The following ANKH variants were observed in gnomAD, a reference collection of about 807,000 sequenced individuals.
The protein encoded by ANKH is ANKH inorganic pyrophosphate transport regulator.
In ANKH, 15 loss-of-function variants were observed where a neutral mutation model predicts 49.0. The observed-to-expected ratio is 0.31, with a 90% CI of 0.20 to 0.47. The LOEUF (loss-of-function observed/expected upper bound fraction) is 0.47, where lower values mean the gene tolerates loss of function less well. Ranked by LOEUF, ANKH falls within the 20% of genes least tolerant of loss-of-function variation. The probability of loss-of-function intolerance (pLI) is 1.00; values close to 1 mark genes in which losing one functional copy is unlikely to be tolerated. For missense variants in ANKH, 429 were observed against 652.0 expected, an observed-to-expected ratio of 0.66 and a Z score of 3.72; for synonymous variants, 273 against 260.0, an observed-to-expected ratio of 1.05 and a Z score of -0.48.
At chr5:14,742,360 C>T (rs1738388119) in intron 7 of ANKH, among the ~76,000 whole-genome samples, 1 of 152,230 alleles carries the variant, frequency 6.6e-6, no homozygotes, top group Non-Finnish European at 1.5e-5. Context: ...ACTATAAATT[C>T]CACTGGGCAT....
intron 1 of ANKH, among the ~76,000 whole-genome samples, chr5:14,818,557 G>A (rs1042761303): frequency 1.2e-4 from 18 of 144,748 alleles, no homozygotes; most frequent in South Asian, 2.1e-4. Flanking sequence ...CAGGAGAATC[G>A]CTTGAACCCT....
intron 1 of ANKH, 152 bp from the exon 2 acceptor site, chr5:14,769,343 G>A: frequency 1.4e-6 from 1 of 703,052 alleles, no homozygotes; most frequent in Non-Finnish European, 2.5e-6. Flanking sequence ...AAAGGTGATT[G>A]GTTTTCATTT....
intron 8 of ANKH, among the ~76,000 whole-genome samples, chr5:14,722,513 G>T (rs563230336): frequency 1.3e-5 from 2 of 152,308 alleles, no homozygotes; most frequent in African/African-American, 4.8e-5. Flanking sequence ...GGTACAAGAA[G>T]GAAGGCTGTG....
intron 1 of ANKH, among the ~76,000 whole-genome samples, chr5:14,793,033 T>TATATATATATAAATATATATAA (rs1554006441): frequency 2.9e-5 from 2 of 68,794 alleles, no homozygotes; most frequent in African/African-American, 6.0e-5. Flanking sequence ...TATATATATA[T>TATATATATATAAATATATATAA]AAAAATATAT....
rs1197130598 is a variant in ANKH, at chr5:14,774,507, G to A, written c.97-5316C>T. ...GTCTGGAGTGCAGTGGCATGATCTCGGCTCACTGCAACCTCCGCCTCCCAG... is the reference window on the plus strand; with the variant it reads ...GTCTGGAGTGCAGTGGCATGATCTCAGCTCACTGCAACCTCCGCCTCCCAG... On this transcript the variant is annotated intron_variant, in intron 1 of 11. Transcript: ENST00000284268. Among the ~76,000 whole-genome samples the A allele has an allele frequency of 4.6e-5, 7 of 151,806 alleles. No individual in the cohort carries two copies. The South Asian group carries it at 1.0e-3, about 23-fold the overall frequency.
chr5:14,829,560 G>A (rs567993210), intron 1 of ANKH, among the ~76,000 whole-genome samples: 57 of 152,164 alleles, frequency 3.7e-4, no homozygotes, highest in Admixed American at 1.0e-3. Flanking sequence ...GCATTTGGGC[G>A]AGTTGCCTGT....
chr5:14,773,815 C>G (rs1317250689), intron 1 of ANKH, among the ~76,000 whole-genome samples: 3 of 152,194 alleles, frequency 2.0e-5, no homozygotes, highest in Non-Finnish European at 4.4e-5. Flanking sequence ...ACATCGTAAA[C>G]ACTCCATTAT....
intron 8 of ANKH, among the ~76,000 whole-genome samples, chr5:14,722,940 C>T (rs577610746): frequency 1.7e-4 from 26 of 152,178 alleles, no homozygotes; most frequent in Admixed American, 1.6e-3. Context: ...CACTTTGTCT[C>T]TGTGGTCTTC....
chr5:14,711,397 T>G, intron 11 of ANKH, 87 bp from the exon 12 acceptor site: 2 of 1,164,564 alleles, frequency 1.7e-6, no homozygotes, highest in Non-Finnish European at 2.6e-6. Context: ...CACCGGGGTC[T>G]TGGGGGACCC....
At chr5:14,793,033 T>TATAA (rs1554006441) in intron 1 of ANKH, among the ~76,000 whole-genome samples, 2 of 68,792 alleles carry the variant, frequency 2.9e-5, no homozygotes, top group African/African-American at 6.0e-5. Flanking sequence ...TATATATATA[T>TATAA]AAAAATATAT....
chr5:14,765,660 T>C (rs1290448357), intron 2 of ANKH, among the ~76,000 whole-genome samples: 1 of 151,984 alleles, frequency 6.6e-6, no homozygotes, highest in Non-Finnish European at 1.5e-5. Flanking sequence ...CTACAGTAAA[T>C]CTAATGAAAA....
At chr5:14,826,708 C>T (rs1741351769) in intron 1 of ANKH, among the ~76,000 whole-genome samples, 2 of 152,192 alleles carry the variant, frequency 1.3e-5, no homozygotes, top group Admixed American at 6.5e-5. Context: ...TTGACTGTTG[C>T]ATGCCAAGTA....
In ANKH at chr5:14,772,998, C is replaced by T. The variant is rs950838199; in HGVS notation, c.97-3807G>A. On this transcript the variant is annotated intron_variant, in intron 1 of 11. Transcript: ENST00000284268. ...GGACCACTGTGGTACAATTCATGCTCCAGAGTTCTCCCTGGGATCAGGGTG... is the reference window on the plus strand; with the variant it reads ...GGACCACTGTGGTACAATTCATGCTTCAGAGTTCTCCCTGGGATCAGGGTG... Among the ~76,000 whole-genome samples the T allele has an allele frequency of 2.6e-5, 4 of 152,358 alleles. No homozygotes were observed. The South Asian group carries it at 8.3e-4, about 32-fold the overall frequency.
At chr5:14,767,375 G>A (rs1051265672) in intron 2 of ANKH, among the ~76,000 whole-genome samples, 4 of 152,152 alleles carry the variant, frequency 2.6e-5, no homozygotes, top group Non-Finnish European at 5.9e-5. Context: ...ATGTGCTTTC[G>A]TAGCAACTGT....
chr5:14,861,982 T>C (rs1439240121), intron 1 of ANKH, among the ~76,000 whole-genome samples: 1 of 152,214 alleles, frequency 6.6e-6, no homozygotes, highest in Admixed American at 6.5e-5. Context: ...ACACCTGTAA[T>C]CCCAGCACTT....
intron 1 of ANKH, chr5:14,871,121 T>A (rs1281535931): frequency 1.5e-6 from 1 of 645,286 alleles, no homozygotes; most frequent in Non-Finnish European, 2.9e-6. Context: ...CTTCACACCA[T>A]CCAGTCTTTT....
At chr5:14,715,433 T>C (rs1220697112) in intron 9 of ANKH, among the ~76,000 whole-genome samples, 1 of 152,220 alleles carries the variant, frequency 6.6e-6, no homozygotes, top group Non-Finnish European at 1.5e-5. Context: ...GCCCGGCCCA[T>C]GGCTCCTTTC....
intron 6 of ANKH, among the ~76,000 whole-genome samples, chr5:14,746,537 G>T (rs2126475774): frequency 6.6e-6 from 1 of 152,262 alleles, no homozygotes; most frequent in African/African-American, 2.4e-5. Context: ...CTGAACTTTG[G>T]AGCAGTTTAG....
chr5:14,727,647 C>T (rs1737864261), intron 8 of ANKH, among the ~76,000 whole-genome samples: 1 of 151,988 alleles, frequency 6.6e-6, no homozygotes, highest in Non-Finnish European at 1.5e-5. Context: ...GTTCCACACT[C>T]CAGCTTCTGT....
Sources: allele counts gnomAD v4.1 joint callset (sites outside exome capture counted in the v4.1 genomes callset), GRCh38; gene constraint gnomAD v4.1.1; transcripts MANE v1.5; gene names NCBI Gene and HGNC (gene_info 2026-07-23, HGNC 2026-07-21).